The following TENM4 variants were observed in gnomAD, a reference collection of about 807,000 sequenced individuals.
TENM4 encodes teneurin transmembrane protein 4.
A neutral mutation model predicts 243.3 loss-of-function variants in TENM4; 82 were observed. That is an observed-to-expected ratio of 0.34 (90% CI 0.28 to 0.40). The LOEUF (loss-of-function observed/expected upper bound fraction) is 0.40. Among genes scored for constraint, TENM4 ranks in the 10% least tolerant of loss-of-function variants. The probability of loss-of-function intolerance (pLI) is 1.00; values close to 1 mark genes in which losing one functional copy is unlikely to be tolerated. For synonymous variants in TENM4, 1,412 were observed against 1,456.3 expected (o/e 0.97, Z 0.69); for missense variants, 3,138 against 3,673.3 (o/e 0.85, Z 3.77).
chr11:78,979,248 C>T (rs1252118966), intron 6 of TENM4, among the ~76,000 whole-genome samples: 4 of 152,070 alleles, frequency 2.6e-5, no homozygotes, highest in Admixed American at 2.0e-4. Context: ...CTCAGCCCTC[C>T]CAAGGGAGGG....
chr11:79,218,238 A>C (rs57066368), intron 2 of TENM4, among the ~76,000 whole-genome samples: 81,252 of 105,978 alleles, frequency 0.77, 28,850 homozygotes, highest in Middle Eastern at 0.85. Context: ...CTGCCCACCC[A>C]CCCCCGACAC....
chr11:79,218,417 G>A (rs566361181), intron 2 of TENM4, among the ~76,000 whole-genome samples: 1 of 152,250 alleles, frequency 6.6e-6, no homozygotes, highest in South Asian at 2.1e-4. Context: ...GGGTCCTGCT[G>A]GGGTCCTAGT....
intron 4 of TENM4, among the ~76,000 whole-genome samples, chr11:79,111,503 C>A (rs1337212681): frequency 6.6e-6 from 1 of 152,172 alleles, no homozygotes; most frequent in African/African-American, 2.4e-5. Context: ...CGAGATGGCG[C>A]TGCTGCACTC....
chr11:79,019,983 C>T (rs138274884), intron 6 of TENM4, among the ~76,000 whole-genome samples: 11 of 152,342 alleles, frequency 7.2e-5, no homozygotes, highest in Non-Finnish European at 1.5e-4. Context: ...TTACTTTTCT[C>T]AATATCCCAC....
At chr11:79,385,262 A>T (rs989318671) in intron 1 of TENM4, among the ~76,000 whole-genome samples, 1 of 152,170 alleles carries the variant, frequency 6.6e-6, no homozygotes, top group African/African-American at 2.4e-5. Context: ...AAGCATCAGT[A>T]TTTTTTTCAA....
intron 1 of TENM4, among the ~76,000 whole-genome samples, chr11:79,404,733 C>T (rs1052335090): frequency 6.6e-6 from 1 of 152,162 alleles, no homozygotes; most frequent in Non-Finnish European, 1.5e-5. Flanking sequence ...ATGATTGGAA[C>T]ATACCCACCT....
At chr11:79,170,473 A>T (rs1863016269) in intron 3 of TENM4, among the ~76,000 whole-genome samples, 1 of 152,190 alleles carries the variant, frequency 6.6e-6, no homozygotes. Context: ...GGCATTGCAG[A>T]TGTAATTAGT....
intron 12 of TENM4, among the ~76,000 whole-genome samples, chr11:78,823,589 G>A (rs1316107928): frequency 1.3e-5 from 2 of 152,202 alleles, no homozygotes; most frequent in Admixed American, 6.5e-5. Context: ...GAAAGCTCAT[G>A]AATGGAGCTG....
intron 1 of TENM4, among the ~76,000 whole-genome samples, chr11:79,422,861 G>C (rs944895563): frequency 6.6e-6 from 1 of 152,132 alleles, no homozygotes; most frequent in Non-Finnish European, 1.5e-5. Context: ...TTTGTACAAA[G>C]GTAAGGCAGG....
chr11:79,275,667 T>A (rs1856043365), intron 2 of TENM4, among the ~76,000 whole-genome samples: 1 of 151,872 alleles, frequency 6.6e-6, no homozygotes, highest in African/African-American at 2.4e-5. Flanking sequence ...TTCAAAACAG[T>A]GACATGATGC....
chr11:79,083,291 C>A (rs1212580667), intron 4 of TENM4, among the ~76,000 whole-genome samples: 1 of 152,220 alleles, frequency 6.6e-6, no homozygotes, highest in East Asian at 1.9e-4. Context: ...TCCGTGCATT[C>A]TGTCCCTAGA....
At chr11:79,278,403 C>T (rs1455615738) in intron 2 of TENM4, among the ~76,000 whole-genome samples, 1 of 152,116 alleles carries the variant, frequency 6.6e-6, no homozygotes, top group Non-Finnish European at 1.5e-5. Flanking sequence ...ATTTTTGGCA[C>T]CTGGAGAAAT....
chr11:78,738,181 A>G (rs745525214), intron 20 of TENM4, among the ~76,000 whole-genome samples: 2 of 152,220 alleles, frequency 1.3e-5, no homozygotes, highest in African/African-American at 2.4e-5. Context: ...GTTTTATATC[A>G]TAAGTCATGG....
At chr11:79,217,233 C>G (rs1864068978) in intron 2 of TENM4, among the ~76,000 whole-genome samples, 1 of 152,122 alleles carries the variant, frequency 6.6e-6, no homozygotes, top group African/African-American at 2.4e-5. Flanking sequence ...TGCCTCAGGT[C>G]ATTCCAAGAG....
At chr11:78,750,849 T>TTGTGTGTGTGTGTGTG (rs72172542) in intron 19 of TENM4, among the ~76,000 whole-genome samples, 79 of 145,778 alleles carry the variant, frequency 5.4e-4, no homozygotes, top group African/African-American at 1.9e-3. Flanking sequence ...CAAATGAGGC[T>TTGTGTGTGTGTGTGTG]TGTGTGTGTG....
At chr11:79,115,226 C>T (rs118077993) in intron 4 of TENM4, among the ~76,000 whole-genome samples, 204 of 152,196 alleles carry the variant, frequency 1.3e-3, no homozygotes, top group African/African-American at 4.4e-3. Flanking sequence ...TTACTATACA[C>T]GGTGGGGTTT....
At chr11:78,986,933 A>G (rs186863962) in intron 6 of TENM4, among the ~76,000 whole-genome samples, 1 of 152,262 alleles carries the variant, frequency 6.6e-6, no homozygotes, top group African/African-American at 2.4e-5. Flanking sequence ...AGTTCCCTCA[A>G]CTGTCAAATG....
chr11:79,014,152 T>C (rs1461332911), intron 6 of TENM4, among the ~76,000 whole-genome samples: 1 of 152,154 alleles, frequency 6.6e-6, no homozygotes, highest in Non-Finnish European at 1.5e-5. Flanking sequence ...AAGAAGTGAG[T>C]GAGCCTGGGA....
chr11:79,079,257 G>A (rs1860606030), intron 4 of TENM4, among the ~76,000 whole-genome samples: 1 of 152,190 alleles, frequency 6.6e-6, no homozygotes, highest in African/African-American at 2.4e-5. Flanking sequence ...CCTTCTGTTA[G>A]AGAGCTTGTC....
Sources: allele counts gnomAD v4.1 joint callset (sites outside exome capture counted in the v4.1 genomes callset), GRCh38; gene constraint gnomAD v4.1.1; transcripts MANE v1.5; gene names NCBI Gene and HGNC (gene_info 2026-07-23, HGNC 2026-07-21).